FOXP4: variants seen among roughly 807,000 people sequenced by gnomAD.
The protein encoded by FOXP4 is forkhead box P4.
In FOXP4, 25 loss-of-function variants were observed where a neutral mutation model predicts 82.6. The observed-to-expected ratio is 0.30, with a 90% confidence interval of 0.22 to 0.42. FOXP4 has a LOEUF of 0.42. FOXP4 is among the 10% of genes least tolerant of loss of function. FOXP4 has a pLI of 1.00. For synonymous variants in FOXP4, 415 were observed against 388.2 expected (o/e 1.07, Z -0.81); for missense variants, 785 against 900.9 (o/e 0.87, Z 1.65).
At chr6:41,595,045 C>T (rs1357106053) in intron 14 of FOXP4, 54 bp downstream of exon 14, 1 of 1,609,330 alleles carries the variant, frequency 6.2e-7, no homozygotes, top group African/African-American at 1.3e-5. Context: ...CAGGAGCCAA[C>T]TCACCCCCAC....
chr6:41,563,189 A>G (rs1764684874), intron 1 of FOXP4, among the ~76,000 whole-genome samples: 1 of 152,206 alleles, frequency 6.6e-6, no homozygotes, highest in Non-Finnish European at 1.5e-5. Flanking sequence ...TGACACCCAG[A>G]GTCACAGATG....
In FOXP4 at chr6:41,599,004, C is replaced by G; in HGVS notation, c.*68C>G. The G allele has an allele frequency of 6.8e-7, 1 of 1,463,412 alleles. No homozygotes were observed. Among genetic ancestry groups the G allele is most frequent in the Non-Finnish European group, 9.0e-7 (1 of 1,106,652 alleles). 90.7% of individuals were successfully genotyped at this position (1,463,412 alleles called of 1,614,324 possible). A position where few individuals can be genotyped will look rare whatever the true frequency, so the allele number is the denominator to read the frequency against. On this transcript the variant is annotated 3_prime_UTR_variant, in exon 17 of 17. Coordinates refer to ENST00000307972, the MANE Select transcript of FOXP4 (RefSeq NM_001012426.2). ...TCCAGAATCCAGGCCCCATCTCCCC[C>G]AACTCCACAGCCCCTCCCGAGCCTC... is the stretch of plus-strand genomic sequence containing the variant.
At chr6:41,554,904 G>A (rs2127317542) in intron 1 of FOXP4, among the ~76,000 whole-genome samples, 1 of 151,898 alleles carries the variant, frequency 6.6e-6, no homozygotes, top group Admixed American at 6.6e-5. Flanking sequence ...AGATCTCAGA[G>A]AGAGGACCTA....
intron 10 of FOXP4, 23 bp from the exon 11 acceptor site, chr6:41,589,940 A>G (rs1361691631): frequency 2.5e-6 from 4 of 1,612,850 alleles, no homozygotes; most frequent in African/African-American, 1.3e-5. Context: ...CACTGGTCTC[A>G]GTACCCTCCC....
intron 13 of FOXP4, among the ~76,000 whole-genome samples, chr6:41,592,256 C>G (rs1389948955): frequency 6.6e-6 from 1 of 152,210 alleles, no homozygotes; most frequent in Non-Finnish European, 1.5e-5. Flanking sequence ...TCCTCCCCAC[C>G]AGCGCCCAGG....
chr6:41,593,706 C>T lies in FOXP4; in HGVS notation c.1537-1164C>T, dbSNP rs763984789. ...TCCAAGAGATTCCACTCCAGCCGCC[C>T]GCCTCCCTCGTGGATTAGCAAGCGA... is the stretch of plus-strand genomic sequence containing the variant. On this transcript the variant is annotated intron_variant, in intron 13 of 16. Coordinates refer to ENST00000307972, the MANE Select transcript of FOXP4 (RefSeq NM_001012426.2). The surrounding 1 kb of genome is among the most constrained non-coding windows in gnomAD (Gnocchi z 4.1). Among the ~76,000 whole-genome samples the T allele has an allele frequency of 2.0e-5, 3 of 152,110 alleles. No individual in the cohort carries two copies. The highest frequency in any genetic ancestry group is 7.2e-5 in the African/African-American group (3 of 41,408).
chr6:41,556,935 T>C (rs1764311849), intron 1 of FOXP4, among the ~76,000 whole-genome samples: 1 of 152,052 alleles, frequency 6.6e-6, no homozygotes, highest in South Asian at 2.1e-4. Flanking sequence ...TAGGTATGGG[T>C]TGGTTGGTTT....
chr6:41,563,868 G>A (rs1764730707), intron 1 of FOXP4, among the ~76,000 whole-genome samples: 1 of 152,172 alleles, frequency 6.6e-6, no homozygotes, highest in Non-Finnish European at 1.5e-5. Context: ...AGATAGGGAG[G>A]GCCAACTTTT....
chr6:41,550,551 G>A (rs946185133), intron 1 of FOXP4, among the ~76,000 whole-genome samples: 13 of 152,330 alleles, frequency 8.5e-5, no homozygotes, highest in Admixed American at 7.8e-4. Flanking sequence ...TGGGGCCCTC[G>A]ACTCCCAGTA....
chr6:41,587,076 A>G lies in FOXP4; in HGVS notation c.578A>G (p.His193Arg), dbSNP rs932679752. ...CAAATGCAACAGTTGCAGCAGCAGC[A>G]CCTGCTCAACCTGCAGAGGCAGGGG... is the stretch of plus-strand genomic sequence containing the variant. ...LLQMQQLQQQ[H>R]LLNLQRQGLV... Residue 193 changes from histidine (H) to arginine (R), a missense_variant, in exon 6 of 17, where the codon CAC becomes CGC. Physicochemically the swap from His to Arg is conservative, Grantham distance 29. This residue lies in a region of FOXP4 where 570 missense variants were observed against 634.0 expected (regional missense o/e 0.90). Coordinates refer to ENST00000307972, the MANE Select transcript of FOXP4 (RefSeq NM_001012426.2). 3.1e-6 allele frequency: 5 copies of G among 1,608,920 alleles called. No homozygotes were observed. In the African/African-American group the frequency reaches 6.7e-5, roughly 21 times the overall value.
chr6:41,550,882 G>A (rs780946533), intron 1 of FOXP4, among the ~76,000 whole-genome samples: 1 of 152,112 alleles, frequency 6.6e-6, no homozygotes, highest in Non-Finnish European at 1.5e-5. Flanking sequence ...AGATTTCTAG[G>A]GTTTGGAAAC....
rs570939308 is a variant in FOXP4 at position 41,566,024 on chromosome 6, C to T, written c.204+60C>T. On this transcript the variant is annotated intron_variant, in intron 2 of 16. Transcript: ENST00000307972. Reference sequence around the variant, plus strand: ...GGGAGAGGGGCACTAGGCTGCATTCCACTTCATCCTGGCTGCTGGAGCACC... The same window carrying T: ...GGGAGAGGGGCACTAGGCTGCATTCTACTTCATCCTGGCTGCTGGAGCACC... 697 of 1,516,766 alleles carry T rather than the reference C, an allele frequency of 4.6e-4. 2 individuals are homozygous for T. Among genetic ancestry groups the T allele is most frequent in the Non-Finnish European group, 6.0e-4 (674 of 1,115,308 alleles). The allele number at this position is 1,516,766 out of a possible 1,614,324, so 94.0% of individuals were successfully genotyped here. A position where few individuals can be genotyped will look rare whatever the true frequency, so the allele number is the denominator to read the frequency against.
In FOXP4 at chr6:41,588,678, A is replaced by G. The variant is rs1047799612; in HGVS notation, c.1012A>G (p.Ser338Gly). ...CACAGAGCACGCCCTGGATGACCGGAGTACAGCCCAGTGCCGGGTACAGAT... is the reference window on the plus strand; with the variant it reads ...CACAGAGCACGCCCTGGATGACCGGGGTACAGCCCAGTGCCGGGTACAGAT... Reference protein sequence around the residue: ...LNTEHALDDRSTAQCRVQMQV... With the variant: ...LNTEHALDDRGTAQCRVQMQV... Residue 338 changes from serine to glycine, a missense_variant, in exon 9 of 17, where the codon AGT (serine) becomes GGT (glycine). Ser to Gly is a moderately conservative substitution (Grantham distance 56). Coordinates refer to ENST00000307972, the MANE Select transcript of FOXP4 (RefSeq NM_001012426.2). The G allele has an allele frequency of 1.9e-6, 3 of 1,614,006 alleles. No homozygotes were observed.
At chr6:41,598,607 C>A in intron 16 of FOXP4, 182 bp from the exon 17 acceptor site, 1 of 836,994 alleles carries the variant, frequency 1.2e-6, no homozygotes, top group Non-Finnish European at 1.8e-6. Flanking sequence ...AGTCTCTGCC[C>A]CAGGACCAGC....
chr6:41,560,579 G>A (rs1211484420), intron 1 of FOXP4, among the ~76,000 whole-genome samples: 1 of 152,192 alleles, frequency 6.6e-6, no homozygotes, highest in Non-Finnish European at 1.5e-5. Context: ...CGCGCTGGGG[G>A]CTGCCCCGCC....
chr6:41,590,393 G>T (rs979252433), intron 12 of FOXP4, 46 bp downstream of exon 12: 7 of 1,571,772 alleles, frequency 4.5e-6, no homozygotes, highest in Non-Finnish European at 6.1e-6. Flanking sequence ...CACACAGGCT[G>T]CTCCCCCAGC....
chr6:41,571,840 C>A (rs1765218350), intron 2 of FOXP4, among the ~76,000 whole-genome samples: 1 of 152,102 alleles, frequency 6.6e-6, no homozygotes, highest in Non-Finnish European at 1.5e-5. Flanking sequence ...GGTCAGTTCC[C>A]TCAGTGGTCA....
chr6:41,577,888 T>C (rs1562029161), intron 2 of FOXP4, 98 bp from the exon 3 acceptor site: 4 of 830,910 alleles, frequency 4.8e-6, no homozygotes, highest in Non-Finnish European at 7.7e-6. Flanking sequence ...CCTTCCACCT[T>C]ACCCTGATCT....
At chr6:41,573,329 C>T (rs1364953310) in intron 2 of FOXP4, among the ~76,000 whole-genome samples, 1 of 152,076 alleles carries the variant, frequency 6.6e-6, no homozygotes, top group Non-Finnish European at 1.5e-5. Flanking sequence ...CCCATAGCAC[C>T]GAGACTTGTT....
Sources: gnomAD v4.1 joint callset for allele counts (sites outside exome capture counted in the v4.1 genomes callset) on GRCh38, gnomAD v4.1.1 for gene constraint, gnomAD v4.1.1 regional missense constraint, Gnocchi (gnomAD v3.1) non-coding constraint, MANE v1.5 for transcripts, NCBI Gene and HGNC (gene_info 2026-07-23, HGNC 2026-07-21) for gene names.